Variants in IQCE observed in about 807,000 individuals in gnomAD.
IQCE encodes the protein IQ motif containing E.
A neutral mutation model predicts 96.0 loss-of-function variants in IQCE; 115 were observed. The ratio of observed to expected loss-of-function variants is 1.20; its 90% CI spans 1.03 to 1.40. The LOEUF (loss-of-function observed/expected upper bound fraction) is 1.40, where lower values mean the gene tolerates loss of function less well. Ranked by LOEUF, IQCE falls within the 40% of genes most tolerant of loss-of-function variation. The pLI is 0.00. For synonymous variants in IQCE, 412 were observed against 371.2 expected, an observed-to-expected ratio of 1.11 and a Z score of -1.26; for missense variants, 1,041 against 909.1, an observed-to-expected ratio of 1.15 and a Z score of -1.87.
Position 2,598,664 on chromosome 7 carries a change from C to G in IQCE, c.1608+32C>G, listed in dbSNP as rs1181724643. The G allele has an allele frequency of 2.7e-6, 4 of 1,461,770 alleles. No individual in the cohort carries two copies. In the African/African-American group the frequency reaches 5.7e-5, roughly 21 times the overall value. 90.5% of individuals were successfully genotyped at this position (1,461,770 alleles called of 1,614,324 possible). On this transcript the variant is annotated intron_variant, in intron 17 of 21. Transcript: ENST00000402050. ...CTCCCCGGGGCGACCCGGGCTGCTC[C>G]CTGTGAGTCTTCGTGCTCCAAGGCA...
intron 21 of IQCE, 77 bp from the exon 22 acceptor site, chr7:2,609,967 A>G (rs951866691): frequency 5.1e-6 from 4 of 780,528 alleles, no homozygotes; most frequent in East Asian, 2.5e-5. Flanking sequence ...GGAAGAGCAG[A>G]CAGTGTAAGG....
At chr7:2,584,432 T>G (rs1482913850) in intron 11 of IQCE, 147 bp downstream of exon 11, 4 of 791,496 alleles carry the variant, frequency 5.1e-6, no homozygotes, top group Non-Finnish European at 9.0e-6. Context: ...CTGTTCAGGG[T>G]TAGAGTTGAC....
At chr7:2,577,133 C>T (rs1304232725) in intron 6 of IQCE, among the ~76,000 whole-genome samples, 1 of 152,226 alleles carries the variant, frequency 6.6e-6, no homozygotes, top group Non-Finnish European at 1.5e-5. Flanking sequence ...ACACACAGAG[C>T]CCTGAGTGGG....
At position 2,611,101 on chromosome 7, in the gene IQCE, C is replaced by T. The variant is rs1193915766; in HGVS notation, c.*939C>T. The T allele has an allele frequency of 1.2e-5, 1 of 83,310 alleles. No homozygotes were observed. The highest frequency in any genetic ancestry group is 2.4e-5 in the Non-Finnish European group (1 of 40,964). The allele number at this position is 83,310 out of a possible 1,614,324, so 5.2% of individuals were successfully genotyped here. On this transcript the variant is annotated 3_prime_UTR_variant, in exon 22 of 22. Coordinates refer to ENST00000402050, the MANE Select transcript of IQCE (RefSeq NM_152558.5). ...CCCATGTGTGCGGCCTCTGCACTCC[C>T]AAGCTCCATGGCTGGGCTGGGCTGG...
intron 13 of IQCE, among the ~76,000 whole-genome samples, chr7:2,589,699 A>G (rs895402449): frequency 2.6e-5 from 4 of 152,090 alleles, no homozygotes; most frequent in Non-Finnish European, 5.9e-5. Context: ...CGCGTGCCTC[A>G]CTTCTGATTA....
At position 2,598,523 on chromosome 7, in the gene IQCE, C is replaced by T. The variant is rs761024005; in HGVS notation, c.1499C>T (p.Pro500Leu). The change falls in exon 17 of 22, where the codon CCG becomes CTG. Residue 500 changes from proline (P) to leucine (L), a missense_variant. Coordinates refer to ENST00000402050, the MANE Select transcript of IQCE (RefSeq NM_152558.5). ...AGGCACTGCGAGCAAGACTGGCCGCCGGATTCCAGCGAGGAGGGGCTCCCG... is the reference window on the plus strand; with the variant it reads ...AGGCACTGCGAGCAAGACTGGCCGCTGGATTCCAGCGAGGAGGGGCTCCCG... ...SSRHCEQDWP[P>L]DSSEEGLPRP... 2.7e-5 allele frequency: 43 copies of T among 1,610,892 alleles called. No homozygotes were observed. The highest frequency in any genetic ancestry group is 2.6e-4 in the South Asian group (24 of 90,704).
At chr7:2,589,714 G>A (rs1331249560) in intron 13 of IQCE, among the ~76,000 whole-genome samples, 193 bp from the exon 14 acceptor site, 4 of 152,112 alleles carry the variant, frequency 2.6e-5, no homozygotes, top group African/African-American at 9.7e-5. Context: ...TGATTAAAGA[G>A]ACTGAGCAGG....
chr7:2,592,658 C>T (rs1783695138), intron 14 of IQCE, among the ~76,000 whole-genome samples: 1 of 152,252 alleles, frequency 6.6e-6, no homozygotes, highest in East Asian at 1.9e-4. Context: ...CTAGGCGGGG[C>T]AGGCCCCTGC....
intron 16 of IQCE, among the ~76,000 whole-genome samples, chr7:2,597,291 C>A (rs1359150600): frequency 6.6e-6 from 1 of 152,238 alleles, no homozygotes; most frequent in South Asian, 2.1e-4. Flanking sequence ...ATACAGGAGG[C>A]GATTCTGAGT....
rs868314813 is a variant in IQCE at position 2,590,122 on chromosome 7, G to A, written c.1244+16G>A. ...TGCAGAGAGAGTAGGTCCTCCCAAG[G>A]CCCCGCCAGTGTCCCCACGGGCACA... On this transcript the variant is annotated intron_variant, in intron 14 of 21. Transcript: ENST00000402050. 3 of 1,601,216 alleles carry A rather than the reference G, an allele frequency of 1.9e-6. No homozygotes were observed. The East Asian group carries it at 6.7e-5, about 36-fold the overall frequency.
chr7:2,568,995 G>A lies in IQCE; in HGVS notation c.126G>A (p.Ser42=), dbSNP rs367632329. 69 of 1,613,644 alleles carry A rather than the reference G, an allele frequency of 4.3e-5. No individual in the cohort carries two copies. The highest frequency in any genetic ancestry group is 1.3e-4 in the African/African-American group (10 of 74,894). Residue 42 remains serine (S), a synonymous_variant, in exon 3 of 22, where the codon TCG becomes TCA. Transcript: ENST00000402050. ...RKAFHKPPPT[S]PKSPYLSKPR... The stretch of plus-strand genomic sequence containing the variant: ...CTTTCCACAAACCTCCACCCACATC[G>A]CCAAGTAAGTATGACGAGGCCTGCC...
chr7:2,596,090 T>C (rs1405013167), intron 16 of IQCE, among the ~76,000 whole-genome samples: 1 of 152,202 alleles, frequency 6.6e-6, no homozygotes, highest in Non-Finnish European at 1.5e-5. Flanking sequence ...GGCTGCAGTT[T>C]GCTCTAAGAG....
chr7:2,610,201 C>G lies in IQCE; in HGVS notation c.*39C>G. On this transcript the variant is annotated 3_prime_UTR_variant, in exon 22 of 22. Coordinates refer to ENST00000402050, the MANE Select transcript of IQCE (RefSeq NM_152558.5). ...TCTCCACGCCGTGATGGCAGCGCTG[C>G]CGAGGACATAGGAACCACGACTGGA... The G allele has an allele frequency of 8.3e-7, 1 of 1,211,868 alleles. No homozygotes were observed. The allele number at this position is 1,211,868 out of a possible 1,614,324, so 75.1% of individuals were successfully genotyped here.
chr7:2,589,390 G>T (rs1783396386), intron 13 of IQCE, among the ~76,000 whole-genome samples: 1 of 152,094 alleles, frequency 6.6e-6, no homozygotes, highest in Admixed American at 6.6e-5. Context: ...TCTATAAATT[G>T]TGGGCATTTA....
Position 2,613,582 on chromosome 7 carries a change from T to G in IQCE, c.*3420T>G, listed in dbSNP as rs1785186633. ...CAGTGCCATGACCCTGGGTGTCCCT[T>G]GGTTCACATCACCCACCAGACAGCT... On this transcript the variant is annotated 3_prime_UTR_variant, in exon 22 of 22. Transcript: ENST00000402050. 6.6e-6 allele frequency: 1 copy of G among 152,262 alleles called. No homozygotes were observed. Among genetic ancestry groups the G allele is most frequent in the African/African-American group, 2.4e-5 (1 of 41,434 alleles). The allele number at this position is 152,262 out of a possible 1,614,324, so 9.4% of individuals were successfully genotyped here.
intron 12 of IQCE, 112 bp from the exon 13 acceptor site, chr7:2,587,710 C>A: frequency 1.9e-6 from 2 of 1,076,316 alleles, no homozygotes; most frequent in Non-Finnish European, 2.8e-6. Context: ...GCTCTGCAGC[C>A]CCGCAGGCTG....
chr7:2,596,136 A>G (rs1005067523), intron 16 of IQCE, among the ~76,000 whole-genome samples: 8 of 152,124 alleles, frequency 5.3e-5, no homozygotes, highest in Admixed American at 3.9e-4. Flanking sequence ...GCCACCACCT[A>G]TGGTCCCAGC....
intron 1 of IQCE, among the ~76,000 whole-genome samples, chr7:2,564,130 T>G (rs967730404): frequency 6.6e-6 from 1 of 151,872 alleles, no homozygotes; most frequent in African/African-American, 2.4e-5. Context: ...GAGAATTGCT[T>G]TAAGCTGGGA....
At chr7:2,569,120 C>T (rs1781583790) in intron 3 of IQCE, 121 bp downstream of exon 3, 3 of 897,324 alleles carry the variant, frequency 3.3e-6, no homozygotes, top group Non-Finnish European at 5.3e-6. Flanking sequence ...GCCAGTTGGC[C>T]CCATTCCCAC....
Sources: gnomAD v4.1 joint callset for allele counts (sites outside exome capture counted in the v4.1 genomes callset) on GRCh38, gnomAD v4.1.1 for gene constraint, MANE v1.5 for transcripts, NCBI Gene and HGNC (gene_info 2026-07-23, HGNC 2026-07-21) for gene names.